FBXO9: variants seen among roughly 807,000 people sequenced by gnomAD.
The protein encoded by FBXO9 is F-box protein 9.
FBXO9 carries 43 observed loss-of-function variants against 63.7 expected under a neutral mutation model. That is an observed-to-expected ratio of 0.67 (90% CI 0.53 to 0.87). The LOEUF is 0.87. Among genes scored for constraint, FBXO9 ranks in the 40% least tolerant of loss-of-function variants. The probability of loss-of-function intolerance (pLI) is 0.00; values close to 1 mark genes in which losing one functional copy is unlikely to be tolerated. For missense variants in FBXO9, 442 were observed against 533.2 expected (o/e 0.83, Z 1.68); for synonymous variants, 156 against 171.7 (o/e 0.91, Z 0.72).
intron 11 of FBXO9, among the ~76,000 whole-genome samples, chr6:53,095,310 A>T (rs1763175877): frequency 6.6e-6 from 1 of 151,762 alleles, no homozygotes; most frequent in Non-Finnish European, 1.5e-5. Flanking sequence ...ATTAACTGAG[A>T]TGATGATGAT....
chr6:53,077,217 G>A (rs184897148), intron 4 of FBXO9, among the ~76,000 whole-genome samples: 3 of 152,202 alleles, frequency 2.0e-5, no homozygotes, highest in African/African-American at 7.2e-5. Context: ...GCTCACGCCT[G>A]TAATCCCAGC....
chr6:53,065,976 G>T, intron 1 of FBXO9, 184 bp downstream of exon 1: 2 of 1,172,028 alleles, frequency 1.7e-6, no homozygotes, highest in Non-Finnish European at 2.1e-6. Context: ...TGCCAACCCT[G>T]GCTTCTCCCC....
chr6:53,095,078 C>T (rs1423816864), intron 11 of FBXO9, among the ~76,000 whole-genome samples: 1 of 152,126 alleles, frequency 6.6e-6, no homozygotes, highest in Non-Finnish European at 1.5e-5. Context: ...ATACTCTGTG[C>T]TTTTTCAGCA....
chr6:53,097,155 C>T (rs758809293), intron 12 of FBXO9, among the ~76,000 whole-genome samples: 1 of 151,986 alleles, frequency 6.6e-6, no homozygotes. Context: ...TTCCCTCCCC[C>T]CTGCCTATAA....
intron 4 of FBXO9, among the ~76,000 whole-genome samples, chr6:53,077,240 C>G (rs531300398): frequency 1.3e-5 from 2 of 151,814 alleles, no homozygotes; most frequent in African/African-American, 2.4e-5. Flanking sequence ...TTTGGGAGGC[C>G]GAGGCGGGCG....
At chr6:53,094,529 C>T (rs1275839755) in intron 11 of FBXO9, among the ~76,000 whole-genome samples, 2 of 152,142 alleles carry the variant, frequency 1.3e-5, no homozygotes, top group Admixed American at 1.3e-4. Flanking sequence ...TCCATATGCA[C>T]GTTTTCAATC....
intron 2 of FBXO9, 75 bp from the exon 3 acceptor site, chr6:53,073,406 T>A: frequency 8.2e-7 from 1 of 1,225,830 alleles, no homozygotes; most frequent in Non-Finnish European, 1.2e-6. Context: ...AGATAGATGT[T>A]GGACATATTG....
intron 2 of FBXO9, among the ~76,000 whole-genome samples, chr6:53,072,974 C>T (rs566174238): frequency 4.6e-5 from 7 of 152,286 alleles, no homozygotes; most frequent in South Asian, 2.1e-4. Context: ...CCGTCTGCCT[C>T]GGCCTCCCAA....
chr6:53,090,353 C>G (rs1205447246), intron 7 of FBXO9, among the ~76,000 whole-genome samples: 1 of 152,072 alleles, frequency 6.6e-6, no homozygotes, highest in Non-Finnish European at 1.5e-5. Flanking sequence ...CATAGTTATT[C>G]CATTAACTTG....
chr6:53,072,069 T>A lies in FBXO9; in HGVS notation c.90+926T>A, dbSNP rs181067441. On this transcript the variant is annotated intron_variant, in intron 2 of 12. Transcript: ENST00000323557. ...CTGCACTTGTAAGGTTAATAATAAT[T>A]ATTTGGAACAGCTCATCTAGTAGAC... Among the ~76,000 whole-genome samples the A allele has an allele frequency of 6.6e-5, 10 of 152,232 alleles. No homozygotes were observed. In the East Asian group the frequency reaches 7.7e-4, roughly 12 times the overall value.
chr6:53,080,849 G>A, intron 5 of FBXO9, 119 bp from the exon 6 acceptor site: 2 of 1,030,752 alleles, frequency 1.9e-6, no homozygotes, highest in South Asian at 1.6e-5. Context: ...TGTATCACAT[G>A]TTGAATAAGC....
At chr6:53,083,030 G>T (rs1162341601) in intron 7 of FBXO9, among the ~76,000 whole-genome samples, 1 of 152,052 alleles carries the variant, frequency 6.6e-6, no homozygotes, top group African/African-American at 2.4e-5. Flanking sequence ...TGAAAATTTT[G>T]CTATGTGTGG....
intron 5 of FBXO9, among the ~76,000 whole-genome samples, 155 bp downstream of exon 5, chr6:53,079,053 A>G (rs919729165): frequency 6.6e-6 from 1 of 152,190 alleles, no homozygotes; most frequent in Non-Finnish European, 1.5e-5. Context: ...TAATTAGGGA[A>G]ATTGCAAGAT....
chr6:53,072,231 AAGG>A (rs1184130743), intron 2 of FBXO9, among the ~76,000 whole-genome samples: 1 of 152,060 alleles, frequency 6.6e-6, no homozygotes, highest in Non-Finnish European at 1.5e-5. Flanking sequence ...AAAAAAAAAA[AAGG>A]AAGCCAGGAA....
chr6:53,090,600 A>G (rs1464876670), intron 7 of FBXO9, among the ~76,000 whole-genome samples: 2 of 152,240 alleles, frequency 1.3e-5, no homozygotes, highest in African/African-American at 4.8e-5. Context: ...AACATTTTAA[A>G]TATACATTTT....
chr6:53,090,655 C>G (rs1763015760), intron 7 of FBXO9, among the ~76,000 whole-genome samples: 1 of 152,140 alleles, frequency 6.6e-6, no homozygotes, highest in African/African-American at 2.4e-5. Context: ...TGACACCGAT[C>G]TAAATAGTTT....
intron 1 of FBXO9, chr6:53,070,733 C>T: frequency 3.5e-6 from 1 of 283,752 alleles, no homozygotes. Context: ...AACTAATCAC[C>T]TGTGGATACT....
intron 2 of FBXO9, among the ~76,000 whole-genome samples, chr6:53,072,459 C>T (rs907137788): frequency 2.0e-5 from 3 of 152,118 alleles, no homozygotes; most frequent in Non-Finnish European, 4.4e-5. Context: ...TAGCCATCCT[C>T]GAGGGAGTTC....
intron 4 of FBXO9, among the ~76,000 whole-genome samples, chr6:53,077,782 T>G (rs1370675075): frequency 3.3e-5 from 5 of 152,222 alleles, no homozygotes. Flanking sequence ...CAAGTCCCTG[T>G]GCAGCCTTCA....
Sources: allele counts gnomAD v4.1 joint callset (sites outside exome capture counted in the v4.1 genomes callset), GRCh38; gene constraint gnomAD v4.1.1; transcripts MANE v1.5; gene names NCBI Gene and HGNC (gene_info 2026-07-23, HGNC 2026-07-21).